The following RNF19A variants were observed in gnomAD, a reference collection of about 807,000 sequenced individuals.
RNF19A encodes ring finger protein 19A, RBR E3 ubiquitin protein ligase, also known as E3 ubiquitin-protein ligase RNF19A.
A neutral mutation model predicts 75.7 loss-of-function variants in RNF19A; 32 were observed. The observed-to-expected ratio is 0.42, with a 90% CI of 0.32 to 0.57. The LOEUF (loss-of-function observed/expected upper bound fraction) is 0.57. Among genes scored for constraint, RNF19A ranks in the 20% least tolerant of loss-of-function variants. RNF19A has a pLI of 0.10. For missense variants in RNF19A, 782 were observed against 1,036.3 expected (o/e 0.75, Z 3.37); for synonymous variants, 335 against 345.2 (o/e 0.97, Z 0.33).
intron 1 of RNF19A, among the ~76,000 whole-genome samples, chr8:100,326,267 T>A (rs1328144965): frequency 1.3e-5 from 2 of 152,142 alleles, no homozygotes; most frequent in Admixed American, 1.3e-4. Flanking sequence ...AAATGCTGAT[T>A]CAATTCTCTT....
upstream of RNF19A, among the ~76,000 whole-genome samples, chr8:100,313,847 C>A (rs1486076357): frequency 6.6e-6 from 1 of 150,886 alleles, no homozygotes; most frequent in African/African-American, 2.5e-5. Flanking sequence ...GAGGTATAAT[C>A]AGTCATACTT....
At chr8:100,262,149 T>C (rs553426191) in intron 7 of RNF19A, among the ~76,000 whole-genome samples, 9 of 152,336 alleles carry the variant, frequency 5.9e-5, no homozygotes, top group South Asian at 4.1e-4. Flanking sequence ...ATTATTAAGA[T>C]CTGATAACAC....
rs563127836 is a variant in RNF19A, at chr8:100,259,145, C to T, written c.1928G>A (p.Arg643Gln). ...SSSVDDGSATRSHAGGSSSGL... is the reference protein window; with the variant it reads ...SSSVDDGSATQSHAGGSSSGL... ...ACTGGATGAACCGCCAGCATGACTT[C>T]GGGTGGCACTGCCATCATCCACACT... The change falls in exon 10 of 10, where the codon CGA becomes CAA. Residue 643 changes from arginine to glutamine, a missense_variant. Around this residue, in one of 7 missense-constraint regions of RNF19A, gnomAD observed 442 missense variants for 541.6 expected, o/e 0.82. Coordinates refer to ENST00000341084, the MANE Select transcript of RNF19A (RefSeq NM_183419.4). This position sits in a 1 kb window ranked among gnomAD's most constrained non-coding sequence, Gnocchi z 4.5. 295 of 1,614,162 alleles carry T rather than the reference C, an allele frequency of 1.8e-4. 5 individuals carry two copies. In the South Asian group the frequency reaches 2.8e-3, roughly 15 times the overall value.
chr8:100,264,863 C>A lies in RNF19A; in HGVS notation c.1192-78G>T. 1 of 1,089,740 alleles carries A rather than the reference C, an allele frequency of 9.2e-7. No individual in the cohort carries two copies. Among genetic ancestry groups the A allele is most frequent in the Non-Finnish European group, 1.4e-6 (1 of 722,688 alleles). The allele number at this position is 1,089,740 out of a possible 1,614,324, so 67.5% of individuals were successfully genotyped here. ...TTAACTTAGTTGAAAAAGATCTATACTTGCTAAAGTGATTTTTCATAGAAG... is the reference window on the plus strand; with the variant it reads ...TTAACTTAGTTGAAAAAGATCTATAATTGCTAAAGTGATTTTTCATAGAAG... On this transcript the variant is annotated intron_variant, in intron 5 of 9. Coordinates refer to ENST00000341084, the MANE Select transcript of RNF19A (RefSeq NM_183419.4). This position sits in a 1 kb window ranked among gnomAD's most constrained non-coding sequence, Gnocchi z 4.7.
chr8:100,316,713 G>A (rs1408148983), intron 1 of RNF19A, among the ~76,000 whole-genome samples: 1 of 152,246 alleles, frequency 6.6e-6, no homozygotes, highest in Non-Finnish European at 1.5e-5. Flanking sequence ...GCTTCACCTA[G>A]TGGATCCCGC....
chr8:100,261,996 T>TA lies in RNF19A; in HGVS notation c.1469-242dup, dbSNP rs1819741088. On this transcript the variant is annotated intron_variant, in intron 7 of 9. Transcript: ENST00000341084. This position sits in a 1 kb window ranked among gnomAD's most constrained non-coding sequence, Gnocchi z 4.4. The stretch of plus-strand genomic sequence containing the variant: ...GGAATTCTATAAAGAATATGATTGT[T>TA]AAAAAATATCGCTGACTTTAGAGGA... 6.6e-6 allele frequency among the ~76,000 whole-genome samples: 1 copy of TA among 152,172 alleles called. No homozygotes were observed. The highest frequency in any genetic ancestry group is 6.5e-5 in the Admixed American group (1 of 15,274).
At chr8:100,278,144 T>C (rs190175193) in intron 2 of RNF19A, among the ~76,000 whole-genome samples, 2 of 152,360 alleles carry the variant, frequency 1.3e-5, no homozygotes, top group East Asian at 1.9e-4. Flanking sequence ...TCACTTTAGT[T>C]TGGCTTAGCC....
chr8:100,299,897 G>A (rs1157741407), intron 1 of RNF19A, among the ~76,000 whole-genome samples: 1 of 152,098 alleles, frequency 6.6e-6, no homozygotes, highest in Admixed American at 6.5e-5. Flanking sequence ...AAGCTCATTT[G>A]TCTCTTTCTC....
chr8:100,286,881 A>G (rs1677989383), intron 2 of RNF19A, among the ~76,000 whole-genome samples: 1 of 152,228 alleles, frequency 6.6e-6, no homozygotes. Context: ...GCTGCTCACC[A>G]ACATAATAAT....
At chr8:100,293,871 C>T (rs887867635) in intron 1 of RNF19A, among the ~76,000 whole-genome samples, 26 of 152,162 alleles carry the variant, frequency 1.7e-4, no homozygotes, top group African/African-American at 6.3e-4. Context: ...TCTGCCATCT[C>T]CAATCTGCTG....
chr8:100,271,649 GAATT>G lies in RNF19A; in HGVS notation c.884-1640_884-1637del, dbSNP rs770731647. Among the ~76,000 whole-genome samples the G allele has an allele frequency of 1.1e-4, 17 of 152,186 alleles. No individual in the cohort carries two copies. The East Asian group carries it at 2.5e-3, about 22-fold the overall frequency. ...TTTAATATGCTAAAATCACACATGA[GAATT>G]AATACCACAAGCAATGTATTTTTGA... On this transcript the variant is annotated intron_variant, in intron 3 of 9. Transcript: ENST00000341084.
chr8:100,331,739 A>G lies in RNF19A; in HGVS notation c.-243+4369T>C, dbSNP rs1204611701. ...TCTATTCTTTAATTTCCACCTCTTCAGTGCCTCTCCTGCAGACAACTATTA... is the reference window on the plus strand; with the variant it reads ...TCTATTCTTTAATTTCCACCTCTTCGGTGCCTCTCCTGCAGACAACTATTA... On this transcript the variant is annotated intron_variant, in intron 1 of 3. Transcript: ENST00000519527. This position sits in a 1 kb window ranked among gnomAD's most constrained non-coding sequence, Gnocchi z 5.2. Among the ~76,000 whole-genome samples, 1 of 152,220 alleles carries G rather than the reference A, an allele frequency of 6.6e-6. No homozygotes were observed. The highest frequency in any genetic ancestry group is 2.4e-5 in the African/African-American group (1 of 41,450).
rs1269156239 is a variant in RNF19A at position 100,269,840 on chromosome 8, C to G, written c.1028+29G>C. ...GTCTTACAATATAAAATTACATTTA[C>G]ATATAAATAGCTCCTTCTATAAGCT... On this transcript the variant is annotated intron_variant, in intron 4 of 9. Transcript: ENST00000341084. The surrounding 1 kb of genome is among the most constrained non-coding windows in gnomAD (Gnocchi z 5.7). 1 of 1,516,612 alleles carries G rather than the reference C, an allele frequency of 6.6e-7. No individual in the cohort carries two copies. Among genetic ancestry groups the G allele is most frequent in the African/African-American group, 1.4e-5 (1 of 70,430 alleles). 93.9% of individuals were successfully genotyped at this position (1,516,612 alleles called of 1,614,324 possible). A position where few individuals can be genotyped will look rare whatever the true frequency, so the allele number is the denominator to read the frequency against.
At chr8:100,335,074 G>C (rs1822661840) in intron 1 of RNF19A, among the ~76,000 whole-genome samples, 1 of 152,152 alleles carries the variant, frequency 6.6e-6, no homozygotes, top group African/African-American at 2.4e-5. Flanking sequence ...GACAGAGCTA[G>C]AACACTGTGT....
chr8:100,304,275 T>C (rs1821972739), intron 1 of RNF19A, among the ~76,000 whole-genome samples: 1 of 152,174 alleles, frequency 6.6e-6, no homozygotes, highest in Non-Finnish European at 1.5e-5. Flanking sequence ...GTTGGTTTTA[T>C]ATTAAAGGGT....
intron 1 of RNF19A, among the ~76,000 whole-genome samples, chr8:100,320,920 C>A (rs1306197077): frequency 6.6e-6 from 1 of 152,114 alleles, no homozygotes; most frequent in Non-Finnish European, 1.5e-5. Flanking sequence ...GCAATAGCAT[C>A]ACGTGTAAAA....
rs573297678 is a variant in RNF19A, at chr8:100,304,429, A to G, written c.-94+5438T>C. Among the ~76,000 whole-genome samples the G allele has an allele frequency of 1.6e-4, 24 of 152,308 alleles. No individual in the cohort carries two copies. In the South Asian group the frequency reaches 4.8e-3, roughly 30 times the overall value. On this transcript the variant is annotated intron_variant, in intron 1 of 9. Coordinates refer to ENST00000341084, the MANE Select transcript of RNF19A (RefSeq NM_183419.4). ...TATACATCATATACCCTAAGATAAC[A>G]GGCTTTTCTAAATGGTTACTTTATT...
intron 2 of RNF19A, among the ~76,000 whole-genome samples, chr8:100,280,691 G>A (rs1336114137): frequency 6.6e-6 from 1 of 152,178 alleles, no homozygotes; most frequent in Non-Finnish European, 1.5e-5. Flanking sequence ...CACTTATTGA[G>A]TGCTTCCTAT....
intron 1 of RNF19A, among the ~76,000 whole-genome samples, chr8:100,295,166 A>G (rs999091559): frequency 3.3e-5 from 5 of 152,222 alleles, no homozygotes; most frequent in African/African-American, 1.2e-4. Context: ...CTAAATTTTA[A>G]TAAGTAACTC....
Sources: gnomAD v4.1 joint callset for allele counts (sites outside exome capture counted in the v4.1 genomes callset) on GRCh38, gnomAD v4.1.1 for gene constraint, gnomAD v4.1.1 regional missense constraint, Gnocchi (gnomAD v3.1) non-coding constraint, MANE v1.5 for transcripts, NCBI Gene and HGNC (gene_info 2026-07-23, HGNC 2026-07-21) for gene names.